The following PPP1CC variants were observed in gnomAD, a reference collection of about 807,000 sequenced individuals.
The protein encoded by PPP1CC is protein phosphatase 1 catalytic subunit gamma.
Under a neutral mutation model 38.4 loss-of-function variants are expected in PPP1CC, and 16 were observed. The ratio of observed to expected loss-of-function variants is 0.42; its 90% CI spans 0.28 to 0.63. The LOEUF is 0.63. Among genes scored for constraint, PPP1CC ranks in the 30% least tolerant of loss-of-function variants. The pLI is 0.25. For missense variants in PPP1CC, 170 were observed against 391.3 expected (o/e 0.43, Z 4.77); for synonymous variants, 158 against 136.0 (o/e 1.16, Z -1.13).
downstream of PPP1CC, among the ~76,000 whole-genome samples, chr12:110,718,064 G>A (rs1365876298): frequency 6.6e-6 from 1 of 152,116 alleles, no homozygotes; most frequent in African/African-American, 2.4e-5. Flanking sequence ...TTTAAATCAT[G>A]TGCCTTCTTC....
At chr12:110,727,527 A>G (rs2069813278) in intron 3 of PPP1CC, among the ~76,000 whole-genome samples, 1 of 152,056 alleles carries the variant, frequency 6.6e-6, no homozygotes, top group Non-Finnish European at 1.5e-5. Flanking sequence ...TACATCAGAC[A>G]GCTACGGCAG....
intron 2 of PPP1CC, among the ~76,000 whole-genome samples, chr12:110,731,364 AAC>A (rs1159897400): frequency 2.0e-5 from 3 of 152,202 alleles, no homozygotes; most frequent in Admixed American, 6.5e-5. Flanking sequence ...ATTGAGTTAA[AAC>A]ACAGATTATT....
At chr12:110,711,001 C>A in the PPP1CC span, among the ~76,000 whole-genome samples, 4 of 151,592 alleles carry the variant, frequency 2.6e-5, no homozygotes, top group Non-Finnish European at 4.4e-5. Flanking sequence ...CATGGTGAAA[C>A]CCCGTCTCTA....
At chr12:110,710,584 G>A in the PPP1CC span, among the ~76,000 whole-genome samples, 1 of 151,620 alleles carries the variant, frequency 6.6e-6, no homozygotes, top group African/African-American at 2.4e-5. Context: ...TGGGTGTGGT[G>A]GTGGGTGCCT....
downstream of PPP1CC, among the ~76,000 whole-genome samples, chr12:110,718,919 A>C (rs750807354): frequency 6.6e-6 from 1 of 152,088 alleles, no homozygotes; most frequent in Non-Finnish European, 1.5e-5. Flanking sequence ...CCTTAAGAAA[A>C]ATTTGAGCCA....
chr12:110,723,243 T>C (rs2069759711), intron 4 of PPP1CC, among the ~76,000 whole-genome samples: 1 of 151,936 alleles, frequency 6.6e-6, no homozygotes, highest in South Asian at 2.1e-4. Context: ...ATAAAAGACA[T>C]TATGCAGGCT....
At chr12:110,724,915 C>G (rs1031866192) in intron 3 of PPP1CC, 151 bp from the exon 4 acceptor site, 2 of 458,274 alleles carry the variant, frequency 4.4e-6, no homozygotes, top group African/African-American at 4.0e-5. Context: ...ATAAAACCAT[C>G]TTATTTTAAG....
At chr12:110,709,662 G>A in the PPP1CC span, among the ~76,000 whole-genome samples, 1 of 150,488 alleles carries the variant, frequency 6.6e-6, no homozygotes, top group Non-Finnish European at 1.5e-5. Context: ...TCGTTCAAGT[G>A]ATTCTCCTGC....
At chr12:110,741,113 C>T (rs1186568748) in intron 1 of PPP1CC, among the ~76,000 whole-genome samples, 1 of 151,932 alleles carries the variant, frequency 6.6e-6, no homozygotes, top group African/African-American at 2.4e-5. Context: ...AAGGTTTTCA[C>T]CTACAATACA....
intron 1 of PPP1CC, among the ~76,000 whole-genome samples, chr12:110,741,829 G>A (rs1427287029): frequency 6.6e-6 from 1 of 152,144 alleles, no homozygotes; most frequent in Non-Finnish European, 1.5e-5. Context: ...TGCAATGGGT[G>A]GGAGAATTAA....
chr12:110,720,837 A>C lies in PPP1CC; in HGVS notation c.*239T>G. 1 of 399,038 alleles carries C rather than the reference A, an allele frequency of 2.5e-6. No individual in the cohort carries two copies. Among genetic ancestry groups the C allele is most frequent in the Non-Finnish European group, 4.6e-6 (1 of 217,298 alleles). The allele number at this position is 399,038 out of a possible 1,614,324, so 24.7% of individuals were successfully genotyped here. A position where few individuals can be genotyped will look rare whatever the true frequency, so the allele number is the denominator to read the frequency against. ...GGTGTACAGCTTTAACACCATCATT[A>C]AAATTGTTTGCAAAAGGAACAGAGA... On this transcript the variant is annotated 3_prime_UTR_variant, in exon 7 of 7. Transcript: ENST00000335007.
intron 3 of PPP1CC, among the ~76,000 whole-genome samples, chr12:110,728,925 A>G (rs372435476): frequency 5.9e-5 from 9 of 152,192 alleles, no homozygotes; most frequent in African/African-American, 1.2e-4. Flanking sequence ...CTAGCTCAAC[A>G]TATCTATGTG....
chr12:110,720,063 C>A lies in PPP1CC; in HGVS notation c.*1013G>T. The A allele has an allele frequency of 7.4e-7, 1 of 1,353,878 alleles. No individual in the cohort carries two copies. The highest frequency in any genetic ancestry group is 1.3e-5 in the South Asian group (1 of 77,568). 83.9% of individuals were successfully genotyped at this position (1,353,878 alleles called of 1,614,324 possible). A position where few individuals can be genotyped will look rare whatever the true frequency, so the allele number is the denominator to read the frequency against. On this transcript the variant is annotated 3_prime_UTR_variant, in exon 7 of 7. Coordinates refer to ENST00000335007, the MANE Select transcript of PPP1CC (RefSeq NM_002710.4). ...TAAACTGGTGGACAGTAAGTTAGTT[C>A]CTTTGTTTTAACTTATAAGCCTCAA...
At chr12:110,711,530 C>T in the PPP1CC span, among the ~76,000 whole-genome samples, 85 of 152,182 alleles carry the variant, frequency 5.6e-4, no homozygotes, top group Non-Finnish European at 9.0e-4. Context: ...TGGGGAGGTA[C>T]GCACACGGGC....
downstream of PPP1CC, among the ~76,000 whole-genome samples, chr12:110,716,986 G>A (rs769567039): frequency 2.2e-4 from 33 of 152,208 alleles, no homozygotes; most frequent in African/African-American, 7.5e-4. Flanking sequence ...AAGCTCACAC[G>A]TTGGCAAGGA....
chr12:110,732,003 G>A (rs897348262), intron 1 of PPP1CC, 102 bp from the exon 2 acceptor site: 8 of 1,311,082 alleles, frequency 6.1e-6, no homozygotes, highest in Non-Finnish European at 8.4e-6. Flanking sequence ...AGCTTTCTGA[G>A]TGGCTTCATT....
At chr12:110,738,164 G>C (rs911329828) in intron 1 of PPP1CC, among the ~76,000 whole-genome samples, 4 of 152,246 alleles carry the variant, frequency 2.6e-5, no homozygotes, top group African/African-American at 7.2e-5. Flanking sequence ...TTCTAGAAGA[G>C]GGATGACAGT....
chr12:110,728,452 G>A (rs1370072344), intron 3 of PPP1CC, among the ~76,000 whole-genome samples: 1 of 149,200 alleles, frequency 6.7e-6, no homozygotes, highest in African/African-American at 2.5e-5. Flanking sequence ...CTTGGAATAA[G>A]TATCCAAAAC....
Position 110,720,183 on chromosome 12 carries a change from G to C in PPP1CC, c.*893C>G. 2 of 1,554,098 alleles carry C rather than the reference G, an allele frequency of 1.3e-6. No individual in the cohort carries two copies. The highest frequency in any genetic ancestry group is 1.7e-6 in the Non-Finnish European group (2 of 1,155,512). ...TCTATAATTTGAAGCTTTCTGAATG[G>C]ACGGGTTCAGGCCTGATGCAACTGT... On this transcript the variant is annotated 3_prime_UTR_variant, in exon 7 of 7. Coordinates refer to ENST00000335007, the MANE Select transcript of PPP1CC (RefSeq NM_002710.4).
Sources: gnomAD v4.1 joint callset for allele counts (sites outside exome capture counted in the v4.1 genomes callset) on GRCh38, gnomAD v4.1.1 for gene constraint, MANE v1.5 for transcripts, NCBI Gene and HGNC (gene_info 2026-07-23, HGNC 2026-07-21) for gene names.